Variants in AQR observed in about 807,000 individuals in gnomAD.
AQR encodes the protein RNA helicase aquarius.
A neutral mutation model predicts 180.5 loss-of-function variants in AQR; 61 were observed. The ratio of observed to expected loss-of-function variants is 0.34; its 90% CI spans 0.28 to 0.42. AQR has a LOEUF of 0.42. Among genes scored for constraint, AQR ranks in the 10% least tolerant of loss-of-function variants. The pLI is 1.00. For synonymous variants in AQR, 551 were observed against 588.8 expected, an observed-to-expected ratio of 0.94 and a Z score of 0.93; for missense variants, 1,281 against 1,798.3, an observed-to-expected ratio of 0.71 and a Z score of 5.20.
intron 29 of AQR, 116 bp downstream of exon 29, chr15:34,874,561 C>T (rs1005521880): frequency 3.9e-6 from 5 of 1,275,288 alleles, no homozygotes; most frequent in African/African-American, 1.5e-5. Flanking sequence ...TTATGGATAG[C>T]CAAGTTCCTG....
At chr15:34,897,476 CAG>C (rs1893264465) in intron 21 of AQR, 81 bp downstream of exon 21, 7 of 1,505,300 alleles carry the variant, frequency 4.7e-6, no homozygotes, top group Non-Finnish European at 6.4e-6. Flanking sequence ...TTAAAAGAAA[CAG>C]AAAATTTAAA....
chr15:34,918,878 C>T (rs1449177180), intron 14 of AQR, among the ~76,000 whole-genome samples: 1 of 152,200 alleles, frequency 6.6e-6, no homozygotes, highest in African/African-American at 2.4e-5. Flanking sequence ...CTAGTCTTCT[C>T]ACTCTATGTT....
Position 34,964,255 on chromosome 15 carries a change from C to A in AQR, c.111G>T (p.Lys37Asn), listed in dbSNP as rs747906891. 3.5e-5 allele frequency: 56 copies of A among 1,607,640 alleles called. No homozygotes were observed. The highest frequency in any genetic ancestry group is 4.7e-5 in the Non-Finnish European group (55 of 1,175,518). Residue 37 changes from lysine to asparagine, a missense_variant, in exon 2 of 35, where the codon AAG becomes AAT. By Grantham distance (94) the Lys-to-Asn change is moderately conservative. Transcript: ENST00000156471. ...TTACCTTTATATCAAAAGGTGATTTCTTCTTGATGTGGGGAGCCCAGTATT... is the reference window on the plus strand; with the variant it reads ...TTACCTTTATATCAAAAGGTGATTTATTCTTGATGTGGGGAGCCCAGTATT... Reference protein sequence around the residue: ...ACKYWAPHIKKKSPFDIKVIE... With the variant: ...ACKYWAPHIKNKSPFDIKVIE...
intron 20 of AQR, among the ~76,000 whole-genome samples, chr15:34,898,657 G>A (rs925382724): frequency 6.6e-6 from 1 of 152,310 alleles, no homozygotes; most frequent in East Asian, 1.9e-4. Flanking sequence ...GGCCGAGGCG[G>A]GTGAATCACG....
In AQR at chr15:34,862,935, T is replaced by C; in HGVS notation, c.3961A>G (p.Ser1321Gly). 6.2e-7 allele frequency: 1 copy of C among 1,613,924 alleles called. No individual in the cohort carries two copies. Among genetic ancestry groups the C allele is most frequent in the African/African-American group, 1.3e-5 (1 of 75,038 alleles). ...QNCFELTPAFSQLTARPLHLH... is the reference protein window; with the variant it reads ...QNCFELTPAFGQLTARPLHLH... ...TGAAGGGGGCGAGCTGTGAGCTGACTGAAAGCTGGAGTCAGTTCAAAACAG... is the reference window on the plus strand; with the variant it reads ...TGAAGGGGGCGAGCTGTGAGCTGACCGAAAGCTGGAGTCAGTTCAAAACAG... The change falls in exon 33 of 35, where the codon AGT becomes GGT. Residue 1321 changes from serine (S) to glycine (G), a missense_variant. Transcript: ENST00000156471.
At chr15:34,931,945 A>G (rs1893870291) in intron 11 of AQR, among the ~76,000 whole-genome samples, 1 of 152,256 alleles carries the variant, frequency 6.6e-6, no homozygotes, top group African/African-American at 2.4e-5. Context: ...TCAAGGCAGC[A>G]TGTATACTTC....
At chr15:34,886,728 A>G (rs763765991) in intron 24 of AQR, 67 bp from the exon 25 acceptor site, 4 of 1,462,144 alleles carry the variant, frequency 2.7e-6, no homozygotes, top group Admixed American at 2.3e-5. Flanking sequence ...ACAATCAGCA[A>G]AATTCAAGAA....
At chr15:34,946,034 G>T (rs947196997) in intron 5 of AQR, among the ~76,000 whole-genome samples, 1 of 152,196 alleles carries the variant, frequency 6.6e-6, no homozygotes, top group Non-Finnish European at 1.5e-5. Flanking sequence ...ACTTTGGGAG[G>T]CCGAGGCGGG....
rs1420710326 is a variant in AQR at position 34,867,545 on chromosome 15, G to A, written c.3833C>T (p.Thr1278Ile). 2.5e-6 allele frequency: 4 copies of A among 1,612,632 alleles called. No homozygotes were observed. The highest frequency in any genetic ancestry group is 3.4e-6 in the Non-Finnish European group (4 of 1,179,260). ...GTACCTCAGATGGCCCACTGCCCTGGTTCGTACCAGAGAAAGAAGAATATA... is the reference window on the plus strand; with the variant it reads ...GTACCTCAGATGGCCCACTGCCCTGATTCGTACCAGAGAAAGAAGAATATA... Reference protein sequence around the residue: ...NDYILLSLVRTRAVGHLRDVR... With the variant: ...NDYILLSLVRIRAVGHLRDVR... The change falls in exon 32 of 35, where the codon ACC (threonine) becomes ATC (isoleucine). Residue 1278 changes from threonine (T) to isoleucine (I), a missense_variant. Physicochemically the swap from Thr to Ile is moderately conservative, Grantham distance 89. Coordinates refer to ENST00000156471, the MANE Select transcript of AQR (RefSeq NM_014691.3).
intron 24 of AQR, among the ~76,000 whole-genome samples, chr15:34,887,775 T>G (rs557297448): frequency 1.3e-5 from 2 of 152,300 alleles, no homozygotes; most frequent in South Asian, 2.1e-4. Context: ...AGATTCACAT[T>G]TGAGGTAGCA....
intron 1 of AQR, 145 bp from the exon 2 acceptor site, chr15:34,964,435 A>T (rs1256992505): frequency 1.4e-6 from 1 of 731,590 alleles, no homozygotes; most frequent in Non-Finnish European, 2.5e-6. Flanking sequence ...CTACACAGGC[A>T]TGCAGGCCAG....
chr15:34,863,136 T>G, intron 32 of AQR, 95 bp from the exon 33 acceptor site: 1 of 1,170,012 alleles, frequency 8.5e-7, no homozygotes, highest in Non-Finnish European at 1.2e-6. Flanking sequence ...ATAGTCCTGT[T>G]AAGCCCTGGC....
At chr15:34,880,885 G>T (rs1892963235) in intron 27 of AQR, among the ~76,000 whole-genome samples, 1 of 152,138 alleles carries the variant, frequency 6.6e-6, no homozygotes, top group South Asian at 2.1e-4. Flanking sequence ...TGAGCAGAGT[G>T]GGGGACTGCC....
chr15:34,902,937 C>T (rs1893354599), intron 19 of AQR, among the ~76,000 whole-genome samples: 3 of 152,060 alleles, frequency 2.0e-5, no homozygotes, highest in Admixed American at 2.0e-4. Context: ...ATGAAGAATT[C>T]AGATACATAA....
At chr15:34,954,112 T>TC (rs1423590756) in intron 3 of AQR, among the ~76,000 whole-genome samples, 2 of 152,058 alleles carry the variant, frequency 1.3e-5, no homozygotes, top group Non-Finnish European at 2.9e-5. Flanking sequence ...GATAGGGGTT[T>TC]CCCCATGTTG....
At position 34,900,874 on chromosome 15, in the gene AQR, A is replaced by G; in HGVS notation, c.2002-11T>C. 4 of 1,577,124 alleles carry G rather than the reference A, an allele frequency of 2.5e-6. No individual in the cohort carries two copies. The highest frequency in any genetic ancestry group is 3.5e-6 in the Non-Finnish European group (4 of 1,158,346). On this transcript the variant is annotated splice_polypyrimidine_tract_variant and intron_variant, in intron 19 of 34. Transcript: ENST00000156471. ...AGTCTCCAGCACAGCCTGTCAGTAA[A>G]AGGACAGAAAAAGATTGTGTCAGTA...
rs571565101 is a variant in AQR, at chr15:34,943,874, C to T, written c.471+414G>A. Among the ~76,000 whole-genome samples, 33 of 152,292 alleles carry T rather than the reference C, an allele frequency of 2.2e-4. 1 individual carries two copies. In the South Asian group the frequency reaches 6.8e-3, roughly 32 times the overall value. Reference sequence around the variant, plus strand: ...TACAACTCTCCTGTTGACTAACCAGCCTATGCATAAGGCATGATGAAAAGC... The same window carrying T: ...TACAACTCTCCTGTTGACTAACCAGTCTATGCATAAGGCATGATGAAAAGC... On this transcript the variant is annotated intron_variant, in intron 6 of 34. Transcript: ENST00000156471.
chr15:34,855,807 T>C lies in AQR; in HGVS notation c.*985A>G, dbSNP rs1892579610. 6.6e-6 allele frequency: 1 copy of C among 152,180 alleles called. No homozygotes were observed. The highest frequency in any genetic ancestry group is 1.5e-5 in the Non-Finnish European group (1 of 68,022). The allele number at this position is 152,180 out of a possible 1,614,324, so 9.4% of individuals were successfully genotyped here. A position where few individuals can be genotyped will look rare whatever the true frequency, so the allele number is the denominator to read the frequency against. ...ATAAATAACAAACTTCAATACGATG[T>C]TGATGCTGTTGGTTCACAAATCATA... On this transcript the variant is annotated 3_prime_UTR_variant, in exon 35 of 35. Coordinates refer to ENST00000156471, the MANE Select transcript of AQR (RefSeq NM_014691.3).
intron 19 of AQR, 38 bp from the exon 20 acceptor site, chr15:34,900,901 G>T: frequency 1.3e-6 from 2 of 1,546,290 alleles, no homozygotes; most frequent in South Asian, 2.5e-5. Context: ...GTGTCAGTAT[G>T]ACATCTCCAA....
Sources: allele counts gnomAD v4.1 joint callset (sites outside exome capture counted in the v4.1 genomes callset), GRCh38; gene constraint gnomAD v4.1.1; transcripts MANE v1.5; gene names NCBI Gene and HGNC (gene_info 2026-07-23, HGNC 2026-07-21).